Variants in DAB1 observed in about 807,000 individuals in gnomAD.
DAB1 encodes DAB adaptor protein 1.
In DAB1, 15 loss-of-function variants were observed where a neutral mutation model predicts 64.6. The observed-to-expected ratio is 0.23, with a 90% CI of 0.16 to 0.36. The LOEUF is 0.36. Among genes scored for constraint, DAB1 ranks in the 10% least tolerant of loss-of-function variants. The pLI, the probability that DAB1 is intolerant of heterozygous loss-of-function variation, is 1.00. For missense variants in DAB1, 596 were observed against 706.7 expected (o/e 0.84, Z 1.78); for synonymous variants, 235 against 251.9 (o/e 0.93, Z 0.64).
intron 2 of DAB1, among the ~76,000 whole-genome samples, chr1:57,171,698 T>C (rs1661783665): frequency 6.6e-6 from 1 of 152,186 alleles, no homozygotes; most frequent in South Asian, 2.1e-4. Context: ...ACAGCTCTTC[T>C]ATGTTCTCCG....
intron 6 of DAB1, among the ~76,000 whole-genome samples, chr1:57,778,192 C>T (rs1248427059): frequency 2.6e-5 from 4 of 151,954 alleles, no homozygotes; most frequent in Non-Finnish European, 5.9e-5. Flanking sequence ...ATAGGCATAT[C>T]ATGATATACA....
intron 7 of DAB1, among the ~76,000 whole-genome samples, chr1:57,604,044 C>T (rs913854688): frequency 1.3e-5 from 2 of 152,234 alleles, no homozygotes; most frequent in African/African-American, 4.8e-5. Flanking sequence ...AGCTGGGGGC[C>T]TCCACTGCCC....
intron 4 of DAB1, among the ~76,000 whole-genome samples, chr1:58,195,851 T>C (rs891783370): frequency 3.3e-5 from 5 of 152,238 alleles, no homozygotes; most frequent in Admixed American, 6.5e-5. Flanking sequence ...ACAGGAAGTA[T>C]TACTGCTATA....
At chr1:56,999,503 G>A (rs1204358581) in intron 14 of DAB1, among the ~76,000 whole-genome samples, 2 of 152,180 alleles carry the variant, frequency 1.3e-5, no homozygotes, top group African/African-American at 4.8e-5. Flanking sequence ...ATAGTCCTGA[G>A]GGTGGCTTTT....
chr1:57,978,941 AG>A (rs1355688315), intron 5 of DAB1, among the ~76,000 whole-genome samples: 1 of 152,184 alleles, frequency 6.6e-6, no homozygotes, highest in Non-Finnish European at 1.5e-5. Flanking sequence ...GTGGAGAAAT[AG>A]GGATGCTTGT....
intron 7 of DAB1, among the ~76,000 whole-genome samples, chr1:57,628,349 C>T (rs1570686588): frequency 1.3e-5 from 2 of 152,182 alleles, no homozygotes; most frequent in Admixed American, 6.5e-5. Context: ...ACAAAGGAAT[C>T]GGCAGTTCAA....
At chr1:58,060,710 T>G (rs17116782) in intron 5 of DAB1, among the ~76,000 whole-genome samples, 35,709 of 152,066 alleles carry the variant, frequency 0.23, 4,336 homozygotes, top group Non-Finnish European at 0.26. Flanking sequence ...TGTAAGTGAG[T>G]GTGCACAAGT....
chr1:57,151,602 G>A (rs767991434), intron 2 of DAB1, among the ~76,000 whole-genome samples: 6 of 152,050 alleles, frequency 3.9e-5, no homozygotes, highest in Non-Finnish European at 5.9e-5. Context: ...CTTGTAAGAT[G>A]ATATTTCTCA....
intron 2 of DAB1, among the ~76,000 whole-genome samples, chr1:57,169,450 C>G (rs535753375): frequency 6.6e-6 from 1 of 152,234 alleles, no homozygotes; most frequent in East Asian, 1.9e-4. Context: ...GAGACTTGAC[C>G]AAGGTTACAT....
chr1:57,306,694 G>A (rs1004065480), intron 1 of DAB1, among the ~76,000 whole-genome samples: 3 of 151,780 alleles, frequency 2.0e-5, no homozygotes, highest in Admixed American at 6.6e-5. Flanking sequence ...GCTCTTATGC[G>A]AAGCTTTAAA....
chr1:58,336,400 G>A (rs1262190616), intron 4 of DAB1, among the ~76,000 whole-genome samples: 1 of 152,212 alleles, frequency 6.6e-6, no homozygotes, highest in African/African-American at 2.4e-5. Flanking sequence ...CTTGATCTGT[G>A]AGGTTGAGAT....
rs552445167 is a variant in DAB1 at position 57,801,775 on chromosome 1, A to G, written n.551+82224T>C. 7.9e-5 allele frequency among the ~76,000 whole-genome samples: 12 copies of G among 152,150 alleles called. No homozygotes were observed. The South Asian group carries it at 2.5e-3, about 32-fold the overall frequency. The stretch of plus-strand genomic sequence containing the variant: ...TGGGTTCAGGCGATCCTCCGGCCTT[A>G]GTCCCCTGAGTAGCTCGGACTACAG... On this transcript the variant is annotated intron_variant and non_coding_transcript_variant, in intron 6 of 20. Coordinates refer to the DAB1 transcript ENST00000485760.
At chr1:57,172,597 C>G (rs1321062883) in intron 2 of DAB1, among the ~76,000 whole-genome samples, 1 of 152,148 alleles carries the variant, frequency 6.6e-6, no homozygotes, top group Non-Finnish European at 1.5e-5. Flanking sequence ...GAGCCTTGAG[C>G]TTCTTCTACA....
chr1:57,661,486 T>C (rs1646385802), intron 6 of DAB1, among the ~76,000 whole-genome samples: 1 of 152,186 alleles, frequency 6.6e-6, no homozygotes, highest in Admixed American at 6.5e-5. Context: ...CTTTACAGGA[T>C]AATGATTTCA....
chr1:57,517,391 C>T (rs1303907539), intron 7 of DAB1, among the ~76,000 whole-genome samples: 1 of 152,116 alleles, frequency 6.6e-6, no homozygotes, highest in African/African-American at 2.4e-5. Flanking sequence ...TACCTGAGAG[C>T]AAAGGTGCTG....
chr1:58,026,020 A>ATAGTAAAT (rs1179161548), intron 5 of DAB1, among the ~76,000 whole-genome samples: 52 of 152,164 alleles, frequency 3.4e-4, no homozygotes, highest in Non-Finnish European at 6.0e-4. Context: ...TACTCATGCA[A>ATAGTAAAT]CTTCTCTAAT....
At chr1:58,517,319 C>T (rs1299261112) in intron 2 of DAB1, among the ~76,000 whole-genome samples, 1 of 152,162 alleles carries the variant, frequency 6.6e-6, no homozygotes, top group African/African-American at 2.4e-5. Flanking sequence ...GCCATTGGTG[C>T]TCTTGAATTC....
chr1:57,226,201 TAA>T (rs1667245704), intron 2 of DAB1, among the ~76,000 whole-genome samples: 1 of 152,216 alleles, frequency 6.6e-6, no homozygotes, highest in Admixed American at 6.5e-5. Context: ...CTACATGATG[TAA>T]TCTCTTAAAT....
intron 1 of DAB1, among the ~76,000 whole-genome samples, chr1:57,394,224 T>C (rs1682624437): frequency 6.6e-6 from 1 of 152,216 alleles, no homozygotes. Flanking sequence ...TTGAAGTACG[T>C]TCCCCTTCTT....
Sources: gnomAD v4.1 joint callset for allele counts (sites outside exome capture counted in the v4.1 genomes callset) on GRCh38, gnomAD v4.1.1 for gene constraint, MANE v1.5 for transcripts, NCBI Gene and HGNC (gene_info 2026-07-23, HGNC 2026-07-21) for gene names.